Variants in LMCD1 observed in about 807,000 individuals in gnomAD.
LMCD1 encodes the protein LIM and cysteine rich domains 1.
In LMCD1, 32 loss-of-function variants were observed where a neutral mutation model predicts 42.7. That is an observed-to-expected ratio of 0.75 (90% CI 0.57 to 1.01). The LOEUF is 1.01. Among genes scored for constraint, LMCD1 ranks in the 50% least tolerant of loss-of-function variants. The pLI is 0.00. For synonymous variants in LMCD1, 178 were observed against 184.9 expected (o/e 0.96, Z 0.30); for missense variants, 458 against 483.1 (o/e 0.95, Z 0.49).
intron 1 of LMCD1, among the ~76,000 whole-genome samples, chr3:8,522,400 T>A (rs1178873426): frequency 6.6e-6 from 1 of 152,102 alleles, no homozygotes; most frequent in Non-Finnish European, 1.5e-5. Context: ...GCGGAGCTGA[T>A]AGGAGGAATT....
intron 4 of LMCD1, among the ~76,000 whole-genome samples, chr3:8,564,214 TTCTC>T (rs1469307632): frequency 6.6e-6 from 1 of 152,104 alleles, no homozygotes; most frequent in Admixed American, 6.5e-5. Flanking sequence ...TATATAGAAA[TTCTC>T]TGTGCTGTTT....
At chr3:8,508,221 C>T (rs1448871699) in intron 1 of LMCD1, among the ~76,000 whole-genome samples, 1 of 152,074 alleles carries the variant, frequency 6.6e-6, no homozygotes, top group Non-Finnish European at 1.5e-5. Context: ...AAACTCTGCC[C>T]TGGGGATAAG....
chr3:8,533,132 TCC>T (rs1163533938), intron 2 of LMCD1, among the ~76,000 whole-genome samples: 1 of 152,100 alleles, frequency 6.6e-6, no homozygotes, highest in African/African-American at 2.4e-5. Flanking sequence ...GGTTAGCTGG[TCC>T]CTTGTGCCTT....
intron 4 of LMCD1, among the ~76,000 whole-genome samples, chr3:8,557,264 A>G (rs1046849363): frequency 6.6e-6 from 1 of 152,244 alleles, no homozygotes; most frequent in Non-Finnish European, 1.5e-5. Flanking sequence ...AACCTCTGGG[A>G]TACATGAGGC....
rs1274258692 is a variant in LMCD1 at position 8,571,756 on chromosome 3, C to T, written c.*4158C>T. 1 of 152,350 alleles carries T rather than the reference C, an allele frequency of 6.6e-6. No homozygotes were observed. The highest frequency in any genetic ancestry group is 2.4e-5 in the African/African-American group (1 of 41,572). 9.4% of individuals were successfully genotyped at this position (152,350 alleles called of 1,614,324 possible). A position where few individuals can be genotyped will look rare whatever the true frequency, so the allele number is the denominator to read the frequency against. ...TTCCTTAATGAAAGGAGATACTGTG[C>T]AGTAAATAGCCCTGCTGTTGTTTTC... On this transcript the variant is annotated 3_prime_UTR_variant, in exon 6 of 6. Transcript: ENST00000157600.
intron 4 of LMCD1, among the ~76,000 whole-genome samples, chr3:8,558,463 G>A (rs1694967542): frequency 6.6e-6 from 1 of 152,204 alleles, no homozygotes; most frequent in Admixed American, 6.5e-5. Context: ...TTCTATTTCT[G>A]AAAGGTTTGT....
chr3:8,554,607 C>T (rs1387606088), intron 4 of LMCD1, among the ~76,000 whole-genome samples: 1 of 152,120 alleles, frequency 6.6e-6, no homozygotes, highest in African/African-American at 2.4e-5. Flanking sequence ...CTCCAGCAAC[C>T]TGGACCCATT....
Position 8,571,481 on chromosome 3 carries a change from G to A in LMCD1, c.*3883G>A, listed in dbSNP as rs1695216394. 6.6e-6 allele frequency: 1 copy of A among 152,250 alleles called. No homozygotes were observed. Among genetic ancestry groups the A allele is most frequent in the South Asian group, 2.1e-4 (1 of 4,832 alleles). The allele number at this position is 152,250 out of a possible 1,614,324, so 9.4% of individuals were successfully genotyped here. ...CTTCCTTCTTCCTAGTGGCAAGGAAGCAGTGGGTGGAGAGGGTGAGTTCCT... is the reference window on the plus strand; with the variant it reads ...CTTCCTTCTTCCTAGTGGCAAGGAAACAGTGGGTGGAGAGGGTGAGTTCCT... On this transcript the variant is annotated 3_prime_UTR_variant, in exon 6 of 6. Transcript: ENST00000157600.
Position 8,548,752 on chromosome 3 carries a change from G to A in LMCD1, c.572G>A (p.Ser191Asn). ...GAAGAATTTGTCAAGCAATATAAGA[G>A]CGAGGCCCTCGGCGTGGGAGAAGTG... is the stretch of plus-strand genomic sequence containing the variant. Reference protein sequence around the residue: ...LMEEFVKQYKSEALGVGEVAL... With the variant: ...LMEEFVKQYKNEALGVGEVAL... The change falls in exon 4 of 6, where the codon AGC becomes AAC. Residue 191 changes from serine (S) to asparagine (N), a missense_variant. Physicochemically the swap from Ser to Asn is conservative, Grantham distance 46. Transcript: ENST00000157600. 1 of 1,613,858 alleles carries A rather than the reference G, an allele frequency of 6.2e-7. No homozygotes were observed. The highest frequency in any genetic ancestry group is 1.1e-5 in the South Asian group (1 of 91,054).
At chr3:8,522,823 A>T (rs1213403321) in intron 1 of LMCD1, among the ~76,000 whole-genome samples, 1 of 151,610 alleles carries the variant, frequency 6.6e-6, no homozygotes, top group African/African-American at 2.4e-5. Context: ...AAAATTAAAA[A>T]TTAAAGGGAA....
chr3:8,565,431 G>A lies in LMCD1; in HGVS notation c.724-1G>A. The A allele has an allele frequency of 6.2e-7, 1 of 1,613,358 alleles. No individual in the cohort carries two copies. The highest frequency in any genetic ancestry group is 1.1e-5 in the South Asian group (1 of 91,074). ...CCTATGGTCCTTCCCCATCCTTCCA[G>A]GTCTGCGAGCTCTGCAAGGGAGCGG... is the stretch of plus-strand genomic sequence containing the variant. On this transcript the variant is annotated splice_acceptor_variant, in intron 4 of 5. Coordinates refer to ENST00000157600, the MANE Select transcript of LMCD1 (RefSeq NM_014583.4). LOFTEE classifies it high-confidence loss of function.
At position 8,552,401 on chromosome 3, in the gene LMCD1, T is replaced by C. The variant is rs143585996; in HGVS notation, c.723+3498T>C. On this transcript the variant is annotated intron_variant, in intron 4 of 5. Coordinates refer to ENST00000157600, the MANE Select transcript of LMCD1 (RefSeq NM_014583.4). ...GTGAACATGAAACTACGTGAGTTTCTTTACAGCAGAACTTCTCAGAGCCTT... is the reference window on the plus strand; with the variant it reads ...GTGAACATGAAACTACGTGAGTTTCCTTACAGCAGAACTTCTCAGAGCCTT... Among the ~76,000 whole-genome samples the C allele has an allele frequency of 2.1e-3, 321 of 152,302 alleles. 1 individual carries two copies. Among genetic ancestry groups the C allele is most frequent in the African/African-American group, 7.6e-3 (316 of 41,558 alleles).
intron 4 of LMCD1, among the ~76,000 whole-genome samples, chr3:8,553,770 G>A (rs1476173915): frequency 5.9e-5 from 9 of 152,124 alleles, no homozygotes; most frequent in African/African-American, 1.2e-4. Context: ...AAGGTCCTCC[G>A]GCCACCAAGT....
In LMCD1 at chr3:8,573,064, A is replaced by G. The variant is rs1695244404; in HGVS notation, c.*5466A>G. ...GACTGCTTGCTACATGAGACAATTG[A>G]TTTTCTTATTTTCTATGTAGGGTGG... On this transcript the variant is annotated 3_prime_UTR_variant, in exon 6 of 6. Transcript: ENST00000157600. The G allele has an allele frequency of 6.6e-6, 1 of 151,924 alleles. No individual in the cohort carries two copies. The highest frequency in any genetic ancestry group is 1.5e-5 in the Non-Finnish European group (1 of 67,976). 9.4% of individuals were successfully genotyped at this position (151,924 alleles called of 1,614,324 possible).
At chr3:8,556,618 C>G (rs1157059270) in intron 4 of LMCD1, among the ~76,000 whole-genome samples, 1 of 152,168 alleles carries the variant, frequency 6.6e-6, no homozygotes, top group Non-Finnish European at 1.5e-5. Flanking sequence ...CTCTGGAGCA[C>G]CCACGCAGTT....
intron 1 of LMCD1, among the ~76,000 whole-genome samples, chr3:8,528,534 G>T (rs2125020261): frequency 6.6e-6 from 1 of 152,122 alleles, no homozygotes; most frequent in Non-Finnish European, 1.5e-5. Flanking sequence ...TCAATTTACT[G>T]CCTTTTAATG....
rs80029052 is a variant in LMCD1 at position 8,502,902 on chromosome 3, C to T, written c.42+922C>T. On this transcript the variant is annotated intron_variant, in intron 1 of 5. Coordinates refer to ENST00000157600, the MANE Select transcript of LMCD1 (RefSeq NM_014583.4). ...CTTTACAGATCGGGAAACTGAGGCC[C>T]GGGGTCACAGAGAGTTGGTTCTAAC... Among the ~76,000 whole-genome samples the T allele has an allele frequency of 2.4e-3, 365 of 152,186 alleles. 2 individuals are homozygous for T. In the East Asian group the frequency reaches 0.04, roughly 17 times the overall value.
At chr3:8,548,028 A>T (rs1353056273) in intron 3 of LMCD1, among the ~76,000 whole-genome samples, 3 of 152,230 alleles carry the variant, frequency 2.0e-5, no homozygotes, top group African/African-American at 7.2e-5. Flanking sequence ...CAATTGTAAC[A>T]CAATGGTCAG....
chr3:8,565,740 A>G (rs1416025913), intron 5 of LMCD1, 93 bp downstream of exon 5: 1 of 1,214,074 alleles, frequency 8.2e-7, no homozygotes, highest in East Asian at 2.6e-5. Context: ...TTTGTGGATG[A>G]TGTGTTCTAC....
Sources: allele counts gnomAD v4.1 joint callset (sites outside exome capture counted in the v4.1 genomes callset), GRCh38; gene constraint gnomAD v4.1.1; transcripts MANE v1.5; gene names NCBI Gene and HGNC (gene_info 2026-07-23, HGNC 2026-07-21).